The following DECR1 variants were observed in gnomAD, a reference collection of about 807,000 sequenced individuals.
DECR1 encodes the protein 2,4-dienoyl-CoA reductase [(3E)-enoyl-CoA-producing], mitochondrial.
A neutral mutation model predicts 38.8 loss-of-function variants in DECR1; 44 were observed. The observed-to-expected ratio is 1.13, with a 90% CI of 0.89 to 1.46. DECR1 has a LOEUF of 1.46. Ranked by LOEUF, DECR1 falls within the 40% of genes most tolerant of loss-of-function variation. The probability of loss-of-function intolerance (pLI) is 0.00; values close to 1 mark genes in which losing one functional copy is unlikely to be tolerated. For synonymous variants in DECR1, 148 were observed against 135.2 expected, an observed-to-expected ratio of 1.09 and a Z score of -0.66; for missense variants, 428 against 405.5, an observed-to-expected ratio of 1.06 and a Z score of -0.48.
chr8:90,049,843 A>G (rs979606127), intron 8 of DECR1, among the ~76,000 whole-genome samples: 1 of 152,208 alleles, frequency 6.6e-6, no homozygotes, highest in Admixed American at 6.5e-5. Flanking sequence ...AGACCAACGG[A>G]ACAGAACAGA....
At chr8:90,048,904 T>C (rs968003996) in intron 8 of DECR1, among the ~76,000 whole-genome samples, 5 of 152,168 alleles carry the variant, frequency 3.3e-5, no homozygotes, top group African/African-American at 9.7e-5. Context: ...TCAATAAACA[T>C]AATCCATCAT....
intron 8 of DECR1, among the ~76,000 whole-genome samples, chr8:90,049,706 G>C (rs1314630507): frequency 6.6e-6 from 1 of 152,136 alleles, no homozygotes; most frequent in Non-Finnish European, 1.5e-5. Flanking sequence ...CCAAAAAAGA[G>C]CCCACATTGC....
intron 1 of DECR1, chr8:90,006,256 G>T (rs1217991053): frequency 1.4e-6 from 1 of 704,022 alleles, no homozygotes; most frequent in East Asian, 2.7e-5. Context: ...TGGGGAAGAA[G>T]CATCTCCTGC....
In DECR1 at chr8:90,052,502, T is replaced by C. The variant is rs933140481; in HGVS notation, c.*605T>C. 3.3e-5 allele frequency among the ~76,000 whole-genome samples: 5 copies of C among 152,170 alleles called. No homozygotes were observed. Among genetic ancestry groups the C allele is most frequent in the Admixed American group, 3.3e-4 (5 of 15,266 alleles). On this transcript the variant is annotated 3_prime_UTR_variant, in exon 10 of 10. Coordinates refer to ENST00000220764, the MANE Select transcript of DECR1 (RefSeq NM_001359.2). ...TTATCTAGCAAGATAGTCAAACTTATAAATAATTATTTATGATACATTGTG... is the reference window on the plus strand; with the variant it reads ...TTATCTAGCAAGATAGTCAAACTTACAAATAATTATTTATGATACATTGTG...
intron 6 of DECR1, among the ~76,000 whole-genome samples, chr8:90,041,832 T>A (rs1813771699): frequency 6.6e-6 from 1 of 152,150 alleles, no homozygotes; most frequent in African/African-American, 2.4e-5. Flanking sequence ...TTATCCTGGC[T>A]TTTCTCTCTC....
At chr8:90,015,585 C>A (rs757319911) in intron 1 of DECR1, 1 of 451,338 alleles carries the variant, frequency 2.2e-6, no homozygotes, top group South Asian at 1.6e-5. Flanking sequence ...ATTTCTTATT[C>A]TTTCCTGAGG....
At position 90,053,589 on chromosome 8, in the gene DECR1, T is replaced by G. The variant is rs904376547; in HGVS notation, c.*1692T>G. ...TTTCTCTTTCTGGTTAAATTTATAC[T>G]AAATGTTTACATTTATATAACTTAA... On this transcript the variant is annotated 3_prime_UTR_variant, in exon 10 of 10. Transcript: ENST00000220764. Among the ~76,000 whole-genome samples, 1 of 152,192 alleles carries G rather than the reference T, an allele frequency of 6.6e-6. No individual in the cohort carries two copies. Among genetic ancestry groups the G allele is most frequent in the African/African-American group, 2.4e-5 (1 of 41,448 alleles).
At position 90,019,084 on chromosome 8, in the gene DECR1, A is replaced by T. The variant is rs754519979; in HGVS notation, c.331-2A>T. 1.5e-5 allele frequency: 25 copies of T among 1,613,546 alleles called. 1 individual carries two copies. Among genetic ancestry groups the T allele is most frequent in the Admixed American group, 1.0e-4 (6 of 59,992 alleles). ...TGTCATATTCTTTTTGTTATTTTGC[A>T]GGTTCATGCAATTCAGTGTGATGTG... is the stretch of plus-strand genomic sequence containing the variant. On this transcript the variant is annotated splice_acceptor_variant, in intron 3 of 9. Transcript: ENST00000220764. LOFTEE classifies it high-confidence loss of function.
Position 90,044,973 on chromosome 8 carries a change from A to G in DECR1, c.863A>G (p.Tyr288Cys), listed in dbSNP as rs181636748. 13 of 1,613,918 alleles carry G rather than the reference A, an allele frequency of 8.1e-6. No individual in the cohort carries two copies. The highest frequency in any genetic ancestry group is 1.0e-5 in the Non-Finnish European group (12 of 1,179,898). The change falls in exon 8 of 10, where the codon TAT (tyrosine) becomes TGT (cysteine). Residue 288 changes from tyrosine (Y) to cysteine (C), a missense_variant. By Grantham distance (194) the Tyr-to-Cys change is radical. Coordinates refer to ENST00000220764, the MANE Select transcript of DECR1 (RefSeq NM_001359.2). ...CTTGCTGCTTTCCTTTGTAGTGATT[A>G]TGCTTCTTGGATTAATGGAGCAGTA... ...ANLAAFLCSD[Y>C]ASWINGAVIK...
chr8:90,029,255 C>T (rs1287296204), intron 5 of DECR1: 3 of 152,274 alleles, frequency 2.0e-5, no homozygotes, highest in South Asian at 4.1e-4. Flanking sequence ...GGTGTAGAAG[C>T]CTCATGAAAA....
At chr8:90,036,380 A>G (rs1225626266) in intron 5 of DECR1, among the ~76,000 whole-genome samples, 1 of 152,146 alleles carries the variant, frequency 6.6e-6, no homozygotes, top group African/African-American at 2.4e-5. Context: ...CCTGCTGTGC[A>G]GTATCTGTAT....
Position 90,052,572 on chromosome 8 carries a change from T to G in DECR1, c.*675T>G, listed in dbSNP as rs1285401933. 6.6e-6 allele frequency among the ~76,000 whole-genome samples: 1 copy of G among 152,148 alleles called. No homozygotes were observed. The highest frequency in any genetic ancestry group is 2.4e-5 in the African/African-American group (1 of 41,438). Reference sequence around the variant, plus strand: ...TATTTAAGTGTAGAGGAGGAAGTAATTCATTCTGTCTCCAGAGTTTGGAGA... The same window carrying G: ...TATTTAAGTGTAGAGGAGGAAGTAAGTCATTCTGTCTCCAGAGTTTGGAGA... On this transcript the variant is annotated 3_prime_UTR_variant, in exon 10 of 10. Transcript: ENST00000220764.
intron 1 of DECR1, among the ~76,000 whole-genome samples, chr8:90,007,691 C>T (rs1812780622): frequency 6.6e-6 from 1 of 152,162 alleles, no homozygotes; most frequent in African/African-American, 2.4e-5. Flanking sequence ...TCAGATATCT[C>T]CCAAAGGTCA....
At chr8:90,028,436 A>G in intron 5 of DECR1, among the ~76,000 whole-genome samples, 1 of 152,036 alleles carries the variant, frequency 6.6e-6, no homozygotes, top group Middle Eastern at 3.2e-3. Context: ...ATGACAGCCT[A>G]CTCAGATATT....
chr8:90,022,669 C>T (rs1813192831), intron 5 of DECR1, among the ~76,000 whole-genome samples: 1 of 151,984 alleles, frequency 6.6e-6, no homozygotes, highest in Admixed American at 6.6e-5. Context: ...GCTGATATCT[C>T]CATTTCATTC....
intron 1 of DECR1, chr8:90,006,282 G>A: frequency 1.4e-6 from 1 of 704,162 alleles, no homozygotes; most frequent in Non-Finnish European, 2.6e-6. Flanking sequence ...GGGGAGGTAT[G>A]TCCAGTTTTA....
At chr8:90,042,227 G>A (rs1156972828) in intron 6 of DECR1, among the ~76,000 whole-genome samples, 1 of 152,054 alleles carries the variant, frequency 6.6e-6, no homozygotes, top group Non-Finnish European at 1.5e-5. Flanking sequence ...AAGCACTTGT[G>A]ATATTACAGA....
chr8:90,035,584 TA>T (rs1487053581), intron 5 of DECR1, among the ~76,000 whole-genome samples: 1 of 152,140 alleles, frequency 6.6e-6, no homozygotes, highest in African/African-American at 2.4e-5. Flanking sequence ...TGAAATCTTT[TA>T]AAATATTTGT....
chr8:90,001,610 C>T, intron 1 of DECR1, 49 bp downstream of exon 1: 2 of 1,554,804 alleles, frequency 1.3e-6, no homozygotes, highest in East Asian at 2.3e-5. Context: ...TCTCGACGCG[C>T]AAAGAGAGAG....
Sources: gnomAD v4.1 joint callset for allele counts (sites outside exome capture counted in the v4.1 genomes callset) on GRCh38, gnomAD v4.1.1 for gene constraint, MANE v1.5 for transcripts, NCBI Gene and HGNC (gene_info 2026-07-23, HGNC 2026-07-21) for gene names.